CTNND1: variants seen among roughly 807,000 people sequenced by gnomAD.
The protein encoded by CTNND1 is catenin delta-1.
Under a neutral mutation model 112.1 loss-of-function variants are expected in CTNND1, and 16 were observed. The observed-to-expected ratio is 0.14, with a 90% CI of 0.10 to 0.22. CTNND1 has a LOEUF of 0.22. Among genes scored for constraint, CTNND1 ranks in the 10% least tolerant of loss-of-function variants. CTNND1 has a pLI of 1.00. For synonymous variants in CTNND1, 420 were observed against 446.5 expected (o/e 0.94, Z 0.75); for missense variants, 1,008 against 1,257.0 (o/e 0.80, Z 3.00).
At position 57,763,856 on chromosome 11, in the gene CTNND1, G is replaced by C. The variant is rs77935053; in HGVS notation, c.-214+1737G>C. 8 of 152,310 alleles carry C rather than the reference G, an allele frequency of 5.3e-5. No individual in the cohort carries two copies. The East Asian group carries it at 1.5e-3, about 29-fold the overall frequency. 9.4% of individuals were successfully genotyped at this position (152,310 alleles called of 1,614,324 possible). A position where few individuals can be genotyped will look rare whatever the true frequency, so the allele number is the denominator to read the frequency against. On this transcript the variant is annotated intron_variant, in intron 1 of 20. Coordinates refer to ENST00000399050, the MANE Select transcript of CTNND1 (RefSeq NM_001085458.2). ...GAAAATAGGTTCTGGATGACTGAGTGGTGGTGATTTGGGTCTAGCTTTAAA... is the reference window on the plus strand; with the variant it reads ...GAAAATAGGTTCTGGATGACTGAGTCGTGGTGATTTGGGTCTAGCTTTAAA...
At position 57,774,014 on chromosome 11, in the gene CTNND1, A is replaced by G. The variant is rs183321824; in HGVS notation, c.-214+11895A>G. On this transcript the variant is annotated intron_variant, in intron 1 of 20. Transcript: ENST00000399050. The stretch of plus-strand genomic sequence containing the variant: ...TTGACTTTGGGATCTGGGAGAGAGT[A>G]TGTCTTTTAATGCCATTCTTCTTTC... Among the ~76,000 whole-genome samples the G allele has an allele frequency of 6.6e-4, 100 of 152,312 alleles. No individual in the cohort carries two copies. In the East Asian group the frequency reaches 0.011, roughly 17 times the overall value.
At chr11:57,800,894 AGAATTGTCTCCTGGTTT>A (rs2061953142) in intron 6 of CTNND1, among the ~76,000 whole-genome samples, 1 of 152,216 alleles carries the variant, frequency 6.6e-6, no homozygotes, top group South Asian at 2.1e-4. Flanking sequence ...TGAAACAGGA[AGAATTGTCTCCTGGTTT>A]GATTTTTCTT....
intron 1 of CTNND1, among the ~76,000 whole-genome samples, chr11:57,783,666 A>C (rs1373470929): frequency 6.6e-6 from 1 of 152,126 alleles, no homozygotes; most frequent in African/African-American, 2.4e-5. Context: ...CTCAAAATAA[A>C]AAAAAAGCCA....
chr11:57,792,447 G>A (rs1055336011), intron 3 of CTNND1, among the ~76,000 whole-genome samples: 9 of 152,196 alleles, frequency 5.9e-5, no homozygotes, highest in South Asian at 2.1e-4. Context: ...GCGCGCACTC[G>A]CGCATGTGTG....
At chr11:57,801,639 T>TGTGC in intron 6 of CTNND1, 94 bp from the exon 7 acceptor site, 1 of 1,011,672 alleles carries the variant, frequency 9.9e-7, no homozygotes. Context: ...GAAACTCCAG[T>TGTGC]TAATCCTCCT....
chr11:57,795,752 T>C, intron 5 of CTNND1, 23 bp downstream of exon 5: 1 of 1,561,820 alleles, frequency 6.4e-7, no homozygotes, highest in South Asian at 1.2e-5. Flanking sequence ...GTGTGTAAGA[T>C]CTGGAAGTGA....
intron 1 of CTNND1, among the ~76,000 whole-genome samples, chr11:57,785,615 T>A (rs1481720934): frequency 6.6e-6 from 1 of 152,076 alleles, no homozygotes; most frequent in African/African-American, 2.4e-5. Flanking sequence ...AGCGGCATGA[T>A]CTCGGCTCAC....
chr11:57,807,362 T>C (rs1307767864), intron 12 of CTNND1, among the ~76,000 whole-genome samples: 1 of 152,110 alleles, frequency 6.6e-6, no homozygotes, highest in Non-Finnish European at 1.5e-5. Context: ...TCCCAGCACT[T>C]TGGGAGGCCG....
At chr11:57,797,119 T>C in intron 6 of CTNND1, 127 bp downstream of exon 6, 1 of 742,920 alleles carries the variant, frequency 1.3e-6, no homozygotes, top group Non-Finnish European at 1.9e-6. Flanking sequence ...CTGCTTTTTT[T>C]TGGGGTGAAA....
chr11:57,803,781 C>T lies in CTNND1; in HGVS notation c.1581C>T (p.Leu527=), dbSNP rs759802501. Residue 527 remains leucine (L), a synonymous_variant, in exon 8 of 21, where the codon CTC becomes CTT. Transcript: ENST00000399050. Reference sequence around the variant, plus strand: ...GCCACATTGAGTGGGAATCGGTGCTCACCAACACAGCTGGCTGCCTTAGGT... The same window carrying T: ...GCCACATTGAGTGGGAATCGGTGCTTACCAACACAGCTGGCTGCCTTAGGT... The part of the protein sequence containing the change: ...KPRHIEWESV[L]TNTAGCLRNV... 6.2e-7 allele frequency: 1 copy of T among 1,609,428 alleles called. No homozygotes were observed. The highest frequency in any genetic ancestry group is 1.7e-5 in the Admixed American group (1 of 59,326).
In CTNND1 at chr11:57,815,441, C is replaced by A. The variant is rs746134245; in HGVS notation, c.2749C>A (p.Leu917Met). The stretch of plus-strand genomic sequence containing the variant: ...TGAGAGAGGAGACCACAATAGAACA[C>A]TGGATCGATCGGGGGATCTAGGCGA... ...PNERGDHNRT[L>M]DRSGDLGDME... The change falls in exon 19 of 21, where the codon CTG becomes ATG. Residue 917 changes from leucine to methionine, a missense_variant. Physicochemically the swap from Leu to Met is conservative, Grantham distance 15. Around this residue, in one of 5 missense-constraint regions of CTNND1, gnomAD observed 106 missense variants for 116.2 expected, o/e 0.91. Transcript: ENST00000399050. The A allele has an allele frequency of 1.2e-6, 2 of 1,612,246 alleles. No individual in the cohort carries two copies. Among genetic ancestry groups the A allele is most frequent in the Non-Finnish European group, 1.7e-6 (2 of 1,179,158 alleles).
chr11:57,810,179 C>T lies in CTNND1; in HGVS notation c.2506C>T (p.Arg836Trp), dbSNP rs748875677. The change falls in exon 16 of 21, where the codon CGG (arginine) becomes TGG (tryptophan). Residue 836 changes from arginine to tryptophan, a missense_variant. By Grantham distance (101) the Arg-to-Trp change is moderately radical. Around this residue, in one of 5 missense-constraint regions of CTNND1, gnomAD observed 28 missense variants for 60.6 expected, o/e 0.46. Coordinates refer to ENST00000399050, the MANE Select transcript of CTNND1 (RefSeq NM_001085458.2). ...LQTIWGYKELRKPLEKEGWKK... is the reference protein window; with the variant it reads ...LQTIWGYKELWKPLEKEGWKK... ...GACAATCTGGGGATATAAGGAACTG[C>T]GGAAGCCACTGGAAAAAGAAGGATG... The T allele has an allele frequency of 6.8e-6, 11 of 1,612,304 alleles. No homozygotes were observed. The highest frequency in any genetic ancestry group is 1.7e-5 in the Admixed American group (1 of 59,770).
chr11:57,763,116 C>A (rs777861340), intron 1 of CTNND1, among the ~76,000 whole-genome samples: 14 of 152,218 alleles, frequency 9.2e-5, no homozygotes, highest in Middle Eastern at 3.4e-3. Flanking sequence ...AATCTGAAAT[C>A]TCTTAGAGCT....
intron 1 of CTNND1, among the ~76,000 whole-genome samples, chr11:57,785,265 A>G (rs2060007528): frequency 6.6e-6 from 1 of 152,120 alleles, no homozygotes; most frequent in Non-Finnish European, 1.5e-5. Flanking sequence ...GCGTCAAGAC[A>G]TTTTTCTAAG....
At chr11:57,803,884 AATTCTTTAGCCT>A (rs2062320698) in intron 8 of CTNND1, 80 bp downstream of exon 8, 2 of 1,150,246 alleles carry the variant, frequency 1.7e-6, no homozygotes, top group Non-Finnish European at 2.4e-6. Context: ...AAAAAATTAA[AATTCTTTAGCCT>A]ATTCTTTAGC....
chr11:57,785,108 C>A (rs1324288099), intron 1 of CTNND1, among the ~76,000 whole-genome samples: 2 of 152,140 alleles, frequency 1.3e-5, no homozygotes, highest in African/African-American at 4.8e-5. Flanking sequence ...GTTTTTCCCT[C>A]TAAAAGTGAA....
At chr11:57,763,148 C>T (rs576095419) in intron 1 of CTNND1, among the ~76,000 whole-genome samples, 2 of 152,124 alleles carry the variant, frequency 1.3e-5, no homozygotes, top group Non-Finnish European at 2.9e-5. Context: ...ACTGTGCTTT[C>T]ATATCTTATA....
intron 3 of CTNND1, chr11:57,793,370 C>G (rs1463745946): frequency 6.6e-6 from 1 of 152,150 alleles, no homozygotes; most frequent in Non-Finnish European, 1.5e-5. Flanking sequence ...AGATATTGAG[C>G]CTTCTGTTTT....
intron 12 of CTNND1, among the ~76,000 whole-genome samples, chr11:57,807,737 G>A (rs2062882070): frequency 6.6e-6 from 1 of 151,416 alleles, no homozygotes; most frequent in African/African-American, 2.4e-5. Flanking sequence ...AATTGTAAAC[G>A]TTTAATCTAT....
Sources: allele counts gnomAD v4.1 joint callset (sites outside exome capture counted in the v4.1 genomes callset), GRCh38; gene constraint gnomAD v4.1.1; regional missense constraint gnomAD v4.1.1; transcripts MANE v1.5; gene names NCBI Gene and HGNC (gene_info 2026-07-23, HGNC 2026-07-21).